The following PPM1H variants were observed in gnomAD, a reference collection of about 807,000 sequenced individuals.
PPM1H encodes the protein protein phosphatase, Mg2+/Mn2+ dependent 1H, also known as protein phosphatase 1H.
PPM1H carries 27 observed loss-of-function variants against 54.9 expected under a neutral mutation model. The ratio of observed to expected loss-of-function variants is 0.49; its 90% CI spans 0.36 to 0.68. The LOEUF (loss-of-function observed/expected upper bound fraction) is 0.68. PPM1H is among the 30% of genes least tolerant of loss of function. PPM1H has a pLI of 0.00. For synonymous variants in PPM1H, 305 were observed against 270.8 expected, an observed-to-expected ratio of 1.13 and a Z score of -1.24; for missense variants, 596 against 667.8, an observed-to-expected ratio of 0.89 and a Z score of 1.19.
intron 1 of PPM1H, among the ~76,000 whole-genome samples, chr12:62,871,920 G>C (rs1870002095): frequency 6.6e-6 from 1 of 152,168 alleles, no homozygotes; most frequent in Non-Finnish European, 1.5e-5. Flanking sequence ...CAGGTCTGTG[G>C]CATCTGTAAC....
intron 6 of PPM1H, among the ~76,000 whole-genome samples, chr12:62,699,259 C>A (rs1411254798): frequency 6.6e-6 from 1 of 152,108 alleles, no homozygotes; most frequent in Non-Finnish European, 1.5e-5. Flanking sequence ...TGCAATGGTG[C>A]GATCTTGGCT....
chr12:62,658,741 C>A, intron 9 of PPM1H: 1 of 370,556 alleles, frequency 2.7e-6, no homozygotes, highest in Non-Finnish European at 5.2e-6. Context: ...AGTAAAAGAA[C>A]TGCCAGCTTC....
At chr12:62,848,410 C>T (rs913059831) in intron 1 of PPM1H, among the ~76,000 whole-genome samples, 4 of 152,194 alleles carry the variant, frequency 2.6e-5, no homozygotes, top group Non-Finnish European at 5.9e-5. Flanking sequence ...AAACACAATA[C>T]TAAATGACTA....
chr12:62,804,480 G>A (rs182207338), intron 2 of PPM1H, among the ~76,000 whole-genome samples: 1 of 151,914 alleles, frequency 6.6e-6, no homozygotes. Context: ...TAGATCTGTG[G>A]ACTTACAGTT....
At chr12:62,656,218 C>T (rs1037402857) in intron 9 of PPM1H, among the ~76,000 whole-genome samples, 1 of 152,184 alleles carries the variant, frequency 6.6e-6, no homozygotes, top group African/African-American at 2.4e-5. Flanking sequence ...GCCCAGGTTC[C>T]AATCCTGGCT....
intron 4 of PPM1H, among the ~76,000 whole-genome samples, chr12:62,787,987 C>CA (rs1269478554): frequency 2.3e-4 from 35 of 152,038 alleles, no homozygotes; most frequent in African/African-American, 7.5e-4. Flanking sequence ...ATTCTGAAGT[C>CA]AAAAAACGTT....
intron 5 of PPM1H, among the ~76,000 whole-genome samples, chr12:62,729,001 G>A (rs2076305558): frequency 6.6e-6 from 1 of 152,156 alleles, no homozygotes; most frequent in Non-Finnish European, 1.5e-5. Flanking sequence ...CAGCCAAGAA[G>A]GAGACTGTCC....
intron 8 of PPM1H, among the ~76,000 whole-genome samples, chr12:62,680,543 G>A (rs12315651): frequency 1.2e-3 from 187 of 152,158 alleles, no homozygotes; most frequent in African/African-American, 4.4e-3. Flanking sequence ...CTATGTTCTG[G>A]GAAGTCAAAA....
intron 5 of PPM1H, among the ~76,000 whole-genome samples, chr12:62,726,461 A>G (rs1170061672): frequency 2.6e-5 from 4 of 152,208 alleles, no homozygotes; most frequent in African/African-American, 7.2e-5. Flanking sequence ...TTTGAAAAAA[A>G]AAACCCTCTA....
At chr12:62,696,761 G>C (rs2136644431) in intron 6 of PPM1H, among the ~76,000 whole-genome samples, 1 of 152,242 alleles carries the variant, frequency 6.6e-6, no homozygotes, top group Non-Finnish European at 1.5e-5. Flanking sequence ...ATAATGTCCT[G>C]TCTTACAGAG....
intron 4 of PPM1H, among the ~76,000 whole-genome samples, chr12:62,773,185 G>C (rs567676983): frequency 1.3e-4 from 19 of 150,242 alleles, no homozygotes; most frequent in African/African-American, 4.8e-4. Flanking sequence ...AAAACACAAA[G>C]GCATGAAGCC....
intron 1 of PPM1H, among the ~76,000 whole-genome samples, chr12:62,841,184 G>C (rs760333395): frequency 6.6e-6 from 1 of 152,054 alleles, no homozygotes; most frequent in Non-Finnish European, 1.5e-5. Flanking sequence ...ATTGGTTTTA[G>C]GTCAATGAAA....
intron 5 of PPM1H, among the ~76,000 whole-genome samples, chr12:62,729,003 A>G (rs2076305573): frequency 6.6e-6 from 1 of 152,226 alleles, no homozygotes; most frequent in East Asian, 1.9e-4. Flanking sequence ...GCCAAGAAGG[A>G]GACTGTCCCA....
intron 9 of PPM1H, among the ~76,000 whole-genome samples, chr12:62,651,469 C>T (rs2075815843): frequency 1.3e-5 from 2 of 152,180 alleles, no homozygotes; most frequent in South Asian, 2.1e-4. Context: ...TTACTAGTGA[C>T]TTTGCATATT....
Position 62,703,374 on chromosome 12 carries a change from G to C in PPM1H, c.1074-9375C>G, listed in dbSNP as rs975878469. On this transcript the variant is annotated intron_variant, in intron 6 of 9. Transcript: ENST00000228705. ...TTAGATTGAAATAGTCATAAAAGGA[G>C]CCCTTTTTTTTTTTTTTTTTCCTTA... 5.4e-5 allele frequency among the ~76,000 whole-genome samples: 8 copies of C among 148,566 alleles called. No homozygotes were observed. In the South Asian group the frequency reaches 1.3e-3, roughly 24 times the overall value.
At position 62,830,476 on chromosome 12, in the gene PPM1H, C is replaced by G. The variant is rs187191772; in HGVS notation, c.411+1638G>C. On this transcript the variant is annotated intron_variant, in intron 2 of 9. Transcript: ENST00000228705. ...GTCACTGTGTTAGCCAGGATGGTCTCGATCTCCTGACCTCGTGATCTGCCC... is the reference window on the plus strand; with the variant it reads ...GTCACTGTGTTAGCCAGGATGGTCTGGATCTCCTGACCTCGTGATCTGCCC... Among the ~76,000 whole-genome samples, 786 of 152,158 alleles carry G rather than the reference C, an allele frequency of 5.2e-3. 4 individuals carry two copies. The highest frequency in any genetic ancestry group is 0.01 in the Middle Eastern group (3 of 294).
chr12:62,678,840 A>G (rs927320327), intron 8 of PPM1H, among the ~76,000 whole-genome samples: 1 of 151,772 alleles, frequency 6.6e-6, no homozygotes, highest in African/African-American at 2.4e-5. Flanking sequence ...ACAGGCATGC[A>G]CCACCATGCC....
intron 1 of PPM1H, among the ~76,000 whole-genome samples, chr12:62,866,451 A>G (rs185203096): frequency 7.9e-4 from 120 of 152,328 alleles, no homozygotes; most frequent in African/African-American, 2.6e-3. Context: ...TGGCAGGAAG[A>G]GTGTGTAAAC....
intron 3 of PPM1H, chr12:62,788,559 C>A (rs891433763): frequency 4.7e-6 from 2 of 422,820 alleles, no homozygotes; most frequent in South Asian, 5.4e-5. Flanking sequence ...AGACAGGAAA[C>A]AATAGACAGC....
Sources: gnomAD v4.1 joint callset for allele counts (sites outside exome capture counted in the v4.1 genomes callset) on GRCh38, gnomAD v4.1.1 for gene constraint, MANE v1.5 for transcripts, NCBI Gene and HGNC (gene_info 2026-07-23, HGNC 2026-07-21) for gene names.